ABCA12: variants seen among roughly 807,000 people sequenced by gnomAD.
ABCA12 encodes ATP binding cassette subfamily A member 12.
Under a neutral mutation model 293.5 loss-of-function variants are expected in ABCA12, and 156 were observed. The observed-to-expected ratio is 0.53, with a 90% confidence interval of 0.47 to 0.61. The LOEUF (loss-of-function observed/expected upper bound fraction) is 0.61. Ranked by LOEUF, ABCA12 falls within the 20% of genes least tolerant of loss-of-function variation. ABCA12 has a pLI of 0.00. For missense variants in ABCA12, 2,797 were observed against 3,090.2 expected (o/e 0.91, Z 2.25); for synonymous variants, 1,063 against 1,108.0 (o/e 0.96, Z 0.81).
At chr2:214,977,473 A>AT (rs1271535024) in intron 33 of ABCA12, among the ~76,000 whole-genome samples, 8 of 152,198 alleles carry the variant, frequency 5.3e-5, no homozygotes, top group African/African-American at 1.7e-4. Flanking sequence ...AGCCAGGCAA[A>AT]TGTTTAATTA....
intron 7 of ABCA12, among the ~76,000 whole-genome samples, chr2:215,043,996 A>C (rs1227299203): frequency 1.3e-5 from 2 of 152,110 alleles, no homozygotes; most frequent in Admixed American, 1.3e-4. Flanking sequence ...GTATGACTCA[A>C]TAATCTGCTT....
chr2:214,938,335 G>A (rs1698287356), intron 50 of ABCA12, among the ~76,000 whole-genome samples: 1 of 152,150 alleles, frequency 6.6e-6, no homozygotes, highest in Non-Finnish European at 1.5e-5. Flanking sequence ...TGGGGTATAT[G>A]TGCCACATTT....
chr2:214,974,143 G>T, intron 35 of ABCA12, 101 bp from the exon 36 acceptor site: 1 of 1,034,208 alleles, frequency 9.7e-7, no homozygotes, highest in Non-Finnish European at 1.5e-6. Context: ...GTTCATGTGT[G>T]TAGTCACAGA....
intron 2 of ABCA12, among the ~76,000 whole-genome samples, chr2:215,087,352 T>C (rs16853341): frequency 0.12 from 18,791 of 152,200 alleles, 1,548 homozygotes; most frequent in East Asian, 0.44. Flanking sequence ...TTTATTAAAA[T>C]GGTTTACTGC....
rs762933128 is a variant in ABCA12 at position 214,989,543 on chromosome 2, G to T, written c.3694+9C>A. The T allele has an allele frequency of 5.6e-6, 9 of 1,613,892 alleles. No homozygotes were observed. In the East Asian group the frequency reaches 2.0e-4, roughly 36 times the overall value. On this transcript the variant is annotated intron_variant, in intron 25 of 52. Coordinates refer to ENST00000272895, the MANE Select transcript of ABCA12 (RefSeq NM_173076.3). ...AGATAAAATCCAGTTTTAAAGAAAG[G>T]GGACCTACCAATGCCCTGTTCTTCG...
chr2:215,129,679 T>A (rs758129754), intron 1 of ABCA12, among the ~76,000 whole-genome samples: 2 of 152,240 alleles, frequency 1.3e-5, no homozygotes, highest in African/African-American at 2.4e-5. Flanking sequence ...ATTCTGTAGA[T>A]TGTCTGCTTA....
chr2:214,987,586 G>A, intron 27 of ABCA12, 61 bp downstream of exon 27: 1 of 1,569,400 alleles, frequency 6.4e-7, no homozygotes, highest in South Asian at 1.2e-5. Context: ...GAAACTACTA[G>A]TCATGTAATT....
intron 2 of ABCA12, among the ~76,000 whole-genome samples, chr2:215,104,215 T>C (rs1049288053): frequency 2.6e-5 from 4 of 152,160 alleles, no homozygotes; most frequent in African/African-American, 9.7e-5. Context: ...CTACACAATG[T>C]GGGGATGATA....
At position 214,932,519 on chromosome 2, in the gene ABCA12, A is replaced by C. The variant is rs1698090290; in HGVS notation, c.*115T>G. On this transcript the variant is annotated 3_prime_UTR_variant, in exon 53 of 53. Coordinates refer to ENST00000272895, the MANE Select transcript of ABCA12 (RefSeq NM_173076.3). ...TAGTCTAACACAGTTGTAACTTTCC[A>C]TACAGTATATTACTTTACTTTAAAA... 1.3e-5 allele frequency: 11 copies of C among 836,028 alleles called. No individual in the cohort carries two copies. Among genetic ancestry groups the C allele is most frequent in the Non-Finnish European group, 2.2e-5 (11 of 505,332 alleles). The allele number at this position is 836,028 out of a possible 1,614,324, so 51.8% of individuals were successfully genotyped here.
chr2:214,972,123 C>T (rs1483529998), intron 36 of ABCA12, among the ~76,000 whole-genome samples: 1 of 152,126 alleles, frequency 6.6e-6, no homozygotes, highest in Non-Finnish European at 1.5e-5. Context: ...GTTCTTTATA[C>T]ACACGTTTAT....
At chr2:214,971,762 G>A (rs949506981) in intron 36 of ABCA12, among the ~76,000 whole-genome samples, 1 of 152,074 alleles carries the variant, frequency 6.6e-6, no homozygotes, top group Non-Finnish European at 1.5e-5. Context: ...CATTTCTGAT[G>A]GGTATATAGT....
At chr2:215,127,201 T>C (rs1386474869) in intron 1 of ABCA12, among the ~76,000 whole-genome samples, 1 of 152,212 alleles carries the variant, frequency 6.6e-6, no homozygotes, top group Non-Finnish European at 1.5e-5. Context: ...GAAGCTTGTT[T>C]TATGGCTTAT....
In ABCA12 at chr2:214,990,973, C is replaced by T. The variant is rs1444433113; in HGVS notation, c.3353G>A (p.Ser1118Asn). The T allele has an allele frequency of 1.2e-6, 2 of 1,613,946 alleles. No individual in the cohort carries two copies. The highest frequency in any genetic ancestry group is 1.3e-5 in the African/African-American group (1 of 74,926). The stretch of plus-strand genomic sequence containing the variant: ...GATGGTAACCAGTAAAAATCCAACA[C>T]TCTCTATAAGCCAGGCAAAGAAATG... ...CSHFFAWLIESVGFLLVTIVI... is the reference protein window; with the variant it reads ...CSHFFAWLIENVGFLLVTIVI... Residue 1118 changes from serine to asparagine, a missense_variant, in exon 24 of 53, where the codon AGT becomes AAT. Transcript: ENST00000272895.
intron 6 of ABCA12, among the ~76,000 whole-genome samples, chr2:215,046,440 G>A (rs1470853098): frequency 6.8e-6 from 1 of 147,864 alleles, no homozygotes; most frequent in Admixed American, 6.8e-5. Context: ...CTAATATATA[G>A]ATTAGTAGAG....
chr2:215,078,549 T>C (rs572587696), intron 2 of ABCA12, among the ~76,000 whole-genome samples: 6 of 152,348 alleles, frequency 3.9e-5, no homozygotes, highest in Admixed American at 3.9e-4. Flanking sequence ...ATCCCCTTTG[T>C]TGTTTATTCC....
At chr2:215,094,047 C>G (rs1702201665) in intron 2 of ABCA12, among the ~76,000 whole-genome samples, 1 of 152,198 alleles carries the variant, frequency 6.6e-6, no homozygotes, top group South Asian at 2.1e-4. Context: ...CTACCCGCCT[C>G]CACTACCTCT....
intron 1 of ABCA12, among the ~76,000 whole-genome samples, chr2:215,134,963 T>G (rs1430302239): frequency 1.3e-5 from 2 of 151,680 alleles, no homozygotes; most frequent in African/African-American, 4.8e-5. Flanking sequence ...TAAAAAAAAA[T>G]TATTTATTTT....
At chr2:215,085,294 C>T (rs1315594463) in intron 2 of ABCA12, 2 of 152,038 alleles carry the variant, frequency 1.3e-5, no homozygotes, top group African/African-American at 4.8e-5. Flanking sequence ...TGAACTGAAT[C>T]AAGATTTGGT....
intron 2 of ABCA12, among the ~76,000 whole-genome samples, chr2:215,103,787 A>T (rs999794909): frequency 1.3e-5 from 2 of 152,110 alleles, no homozygotes; most frequent in African/African-American, 4.8e-5. Context: ...TGTTTAGTTT[A>T]GTTTTGTTTT....
Sources: gnomAD v4.1 joint callset for allele counts (sites outside exome capture counted in the v4.1 genomes callset) on GRCh38, gnomAD v4.1.1 for gene constraint, MANE v1.5 for transcripts, NCBI Gene and HGNC (gene_info 2026-07-23, HGNC 2026-07-21) for gene names.